CNTN5: variants seen among roughly 807,000 people sequenced by gnomAD.
CNTN5 encodes the protein contactin-5.
CNTN5 carries 77 observed loss-of-function variants against 129.1 expected under a neutral mutation model. The observed-to-expected ratio is 0.60, with a 90% CI of 0.50 to 0.72. The LOEUF (loss-of-function observed/expected upper bound fraction) is 0.72. Among genes scored for constraint, CNTN5 ranks in the 30% least tolerant of loss-of-function variants. The pLI, the probability that CNTN5 is intolerant of heterozygous loss-of-function variation, is 0.00. For missense variants in CNTN5, 1,478 were observed against 1,328.8 expected, an observed-to-expected ratio of 1.11 and a Z score of -1.75; for synonymous variants, 509 against 465.6, an observed-to-expected ratio of 1.09 and a Z score of -1.20.
At chr11:100,336,932 C>T (rs1007408911) in intron 21 of CNTN5, 20 of 655,980 alleles carry the variant, frequency 3.0e-5, no homozygotes, top group Non-Finnish European at 4.7e-5. Flanking sequence ...CCCCGGTAGG[C>T]TTTGGATCGC....
intron 16 of CNTN5, among the ~76,000 whole-genome samples, chr11:100,239,141 T>C (rs1191902884): frequency 6.6e-6 from 1 of 152,202 alleles, no homozygotes; most frequent in African/African-American, 2.4e-5. Flanking sequence ...ATTTATATTA[T>C]TAAATATTCC....
chr11:99,819,544 A>G lies in CNTN5; in HGVS notation c.56A>G (p.Glu19Gly). 6.2e-7 allele frequency: 1 copy of G among 1,602,838 alleles called. No individual in the cohort carries two copies. Among genetic ancestry groups the G allele is most frequent in the South Asian group, 1.1e-5 (1 of 90,736 alleles). The change falls in exon 4 of 25, where the codon GAG becomes GGG. Residue 19 changes from glutamate to glycine, a missense_variant and splice_region_variant. By Grantham distance (98) the Glu-to-Gly change is moderately conservative. Transcript: ENST00000524871. ...LFLSVTMCLS[E>G]YSKSLPGLST... ...TTTTATTATATTTTTTCTCTTACAG[A>G]GTATTCAAAATCTCTTCCTGGTCTC...
chr11:99,167,264 T>G (rs1860917630), intron 1 of CNTN5, among the ~76,000 whole-genome samples: 1 of 152,176 alleles, frequency 6.6e-6, no homozygotes, highest in Non-Finnish European at 1.5e-5. Flanking sequence ...TCCTACAAAC[T>G]GACTCATAAT....
chr11:99,753,698 T>C (rs1311156623), intron 3 of CNTN5, among the ~76,000 whole-genome samples: 11 of 148,740 alleles, frequency 7.4e-5, no homozygotes, highest in African/African-American at 2.7e-4. Flanking sequence ...TTCCTTTTTT[T>C]TTTTTTTTGA....
intron 10 of CNTN5, among the ~76,000 whole-genome samples, chr11:100,069,029 C>A (rs1357357915): frequency 1.3e-5 from 2 of 152,200 alleles, no homozygotes; most frequent in Non-Finnish European, 2.9e-5. Context: ...ATGACTAGCA[C>A]TAGCATTTAA....
At chr11:99,817,488 A>G (rs1291826926) in intron 3 of CNTN5, among the ~76,000 whole-genome samples, 1 of 150,590 alleles carries the variant, frequency 6.6e-6, no homozygotes, top group Admixed American at 6.6e-5. Context: ...AAACCTTACT[A>G]TGGCCTTTCT....
intron 13 of CNTN5, among the ~76,000 whole-genome samples, chr11:100,173,573 T>C (rs74944235): frequency 0.055 from 8,329 of 152,112 alleles, 742 homozygotes; most frequent in African/African-American, 0.19. Context: ...GGATGGACTT[T>C]GGAGAAGGTA....
At chr11:99,045,229 A>C (rs1864159683) in intron 1 of CNTN5, among the ~76,000 whole-genome samples, 1 of 152,224 alleles carries the variant, frequency 6.6e-6, no homozygotes, top group Non-Finnish European at 1.5e-5. Flanking sequence ...ATGTGATTTT[A>C]AATCTTTTGA....
intron 2 of CNTN5, among the ~76,000 whole-genome samples, chr11:99,536,824 A>T (rs960354102): frequency 6.7e-6 from 1 of 149,196 alleles, no homozygotes; most frequent in Non-Finnish European, 1.5e-5. Flanking sequence ...GAAGCCAGAT[A>T]TGTAATTTTA....
intron 8 of CNTN5, among the ~76,000 whole-genome samples, chr11:99,997,151 G>A (rs1310930828): frequency 3.9e-5 from 6 of 152,010 alleles, no homozygotes; most frequent in African/African-American, 1.4e-4. Flanking sequence ...AGTCTTGCTA[G>A]CGGTCTATCA....
At chr11:99,294,357 A>G (rs1372822504) in intron 1 of CNTN5, among the ~76,000 whole-genome samples, 1 of 152,206 alleles carries the variant, frequency 6.6e-6, no homozygotes, top group Non-Finnish European at 1.5e-5. Context: ...GCTCATTAGC[A>G]TTTCTATGTG....
At position 99,035,453 on chromosome 11, in the gene CNTN5, C is replaced by T. The variant is rs1056457591; in HGVS notation, c.-210+14183C>T. On this transcript the variant is annotated intron_variant, in intron 1 of 24. Coordinates refer to ENST00000524871, the MANE Select transcript of CNTN5 (RefSeq NM_014361.4). ...GACTTGCTTTATGAATCTGGGTGCT[C>T]CTGTATTGGGTGCATATATATTTAG... is the stretch of plus-strand genomic sequence containing the variant. Among the ~76,000 whole-genome samples, 609 of 151,938 alleles carry T rather than the reference C, an allele frequency of 4.0e-3. 4 individuals are homozygous for T. Among genetic ancestry groups the T allele is most frequent in the African/African-American group, 0.014 (574 of 41,414 alleles).
At chr11:99,361,262 A>G (rs913833575) in intron 2 of CNTN5, among the ~76,000 whole-genome samples, 7 of 152,076 alleles carry the variant, frequency 4.6e-5, no homozygotes, top group African/African-American at 1.7e-4. Flanking sequence ...TTAATGCTCC[A>G]TTCACTTTAA....
chr11:99,251,370 A>T, intron 1 of CNTN5, among the ~76,000 whole-genome samples: 1 of 151,898 alleles, frequency 6.6e-6, no homozygotes, highest in East Asian at 1.9e-4. Flanking sequence ...GTGTGTGTTG[A>T]GGGAGACAAG....
intron 16 of CNTN5, among the ~76,000 whole-genome samples, chr11:100,243,789 T>G (rs531778521): frequency 1.3e-5 from 2 of 152,336 alleles, no homozygotes; most frequent in South Asian, 4.1e-4. Context: ...TTCCCCATCA[T>G]GTAGTCATCA....
intron 13 of CNTN5, among the ~76,000 whole-genome samples, chr11:100,145,471 A>G (rs1022674705): frequency 2.0e-5 from 3 of 152,164 alleles, no homozygotes; most frequent in Admixed American, 2.0e-4. Context: ...TAGGTGTTAC[A>G]CATTTGCAAC....
At chr11:99,375,378 C>T (rs1940115623) in intron 2 of CNTN5, among the ~76,000 whole-genome samples, 1 of 141,150 alleles carries the variant, frequency 7.1e-6, no homozygotes, top group Admixed American at 7.3e-5. Context: ...TTAACAGTTA[C>T]AGCAGGAGGA....
intron 2 of CNTN5, among the ~76,000 whole-genome samples, chr11:99,536,862 A>G (rs1320283579): frequency 6.7e-6 from 1 of 150,148 alleles, no homozygotes; most frequent in Non-Finnish European, 1.5e-5. Context: ...ATTAAAAAAA[A>G]AAAAAAGAAA....
intron 3 of CNTN5, among the ~76,000 whole-genome samples, chr11:99,767,682 G>A (rs1277834247): frequency 1.3e-5 from 2 of 150,206 alleles, no homozygotes; most frequent in African/African-American, 2.4e-5. Context: ...TTCTCTGGCT[G>A]ATCATGCTTT....
Sources: allele counts gnomAD v4.1 joint callset (sites outside exome capture counted in the v4.1 genomes callset), GRCh38; gene constraint gnomAD v4.1.1; transcripts MANE v1.5; gene names NCBI Gene and HGNC (gene_info 2026-07-23, HGNC 2026-07-21).